Variants in NAV1 observed in about 807,000 individuals in gnomAD.
NAV1 encodes neuron navigator 1, also known as pore membrane and/or filament interacting like protein 3.
A neutral mutation model predicts 175.2 loss-of-function variants in NAV1; 18 were observed. That is an observed-to-expected ratio of 0.10 (90% confidence interval 0.07 to 0.15). The LOEUF is 0.15. Among genes scored for constraint, NAV1 ranks in the 10% least tolerant of loss-of-function variants. The probability of loss-of-function intolerance (pLI) is 1.00; values close to 1 mark genes in which losing one functional copy is unlikely to be tolerated. For missense variants in NAV1, 1,731 were observed against 2,436.6 expected (o/e 0.71, Z 6.10); for synonymous variants, 897 against 978.7 (o/e 0.92, Z 1.56).
intron 2 of NAV1, among the ~76,000 whole-genome samples, chr1:201,601,982 C>T (rs981739768): frequency 6.6e-6 from 1 of 152,148 alleles, no homozygotes; most frequent in Non-Finnish European, 1.5e-5. Flanking sequence ...TATCAGCTGC[C>T]CCCTCTCTGG....
intron 29 of NAV1, among the ~76,000 whole-genome samples, chr1:201,818,932 A>G (rs1483912121): frequency 2.0e-5 from 3 of 152,224 alleles, no homozygotes; most frequent in Non-Finnish European, 2.9e-5. Flanking sequence ...ACGTAGACAG[A>G]AGAGAATTGT....
chr1:201,802,293 G>A (rs61821734), intron 15 of NAV1, among the ~76,000 whole-genome samples: 12,839 of 96,252 alleles, frequency 0.13, 967 homozygotes, highest in East Asian at 0.4. Context: ...CAAGAAGAGT[G>A]AAACACCTTC....
intron 1 of NAV1, among the ~76,000 whole-genome samples, chr1:201,704,592 A>G (rs1040615407): frequency 1.3e-5 from 2 of 152,236 alleles, no homozygotes. Context: ...ACTTGGCATC[A>G]GGAAGTCAAG....
At chr1:201,637,312 G>A (rs1668640018) in intron 2 of NAV1, among the ~76,000 whole-genome samples, 1 of 152,112 alleles carries the variant, frequency 6.6e-6, no homozygotes, top group Non-Finnish European at 1.5e-5. Context: ...TTAGAGTCAG[G>A]AATCTCTTTA....
chr1:201,677,802 T>A (rs2102392463), intron 1 of NAV1, among the ~76,000 whole-genome samples: 1 of 152,224 alleles, frequency 6.6e-6, no homozygotes, highest in South Asian at 2.1e-4. Context: ...TAATTTTTTT[T>A]ATTTTTTGGT....
chr1:201,748,794 G>T (rs758746409), intron 3 of NAV1, among the ~76,000 whole-genome samples: 1 of 152,144 alleles, frequency 6.6e-6, no homozygotes, highest in Non-Finnish European at 1.5e-5. Context: ...TGGTTTTGAC[G>T]TAGTAGTCTG....
intron 2 of NAV1, among the ~76,000 whole-genome samples, chr1:201,592,766 T>C (rs1427088368): frequency 6.6e-6 from 1 of 151,864 alleles, no homozygotes; most frequent in East Asian, 1.9e-4. Flanking sequence ...GGCAAGATGA[T>C]AGCACCTTGC....
At chr1:201,678,912 A>G (rs1670362335) in intron 1 of NAV1, among the ~76,000 whole-genome samples, 1 of 152,156 alleles carries the variant, frequency 6.6e-6, no homozygotes, top group Non-Finnish European at 1.5e-5. Context: ...GGGGTTTGGC[A>G]GCCCCTCCCC....
intron 1 of NAV1, among the ~76,000 whole-genome samples, chr1:201,567,321 C>T (rs1045626722): frequency 3.9e-5 from 6 of 152,134 alleles, no homozygotes; most frequent in African/African-American, 9.7e-5. Context: ...TCCACAGGTA[C>T]GAGGGCATTG....
At chr1:201,591,839 A>C (rs1188766899) in intron 2 of NAV1, among the ~76,000 whole-genome samples, 3 of 152,290 alleles carry the variant, frequency 2.0e-5, no homozygotes, top group African/African-American at 7.2e-5. Flanking sequence ...CATGGACTCA[A>C]ACTGAGGAGG....
chr1:201,563,409 C>A (rs1391423731), intron 1 of NAV1, among the ~76,000 whole-genome samples: 1 of 151,580 alleles, frequency 6.6e-6, no homozygotes, highest in Non-Finnish European at 1.5e-5. Flanking sequence ...GGAACTGGGC[C>A]CAGAGAAAAG....
At chr1:201,759,174 G>C (rs1388724522) in intron 3 of NAV1, among the ~76,000 whole-genome samples, 1 of 152,204 alleles carries the variant, frequency 6.6e-6, no homozygotes, top group Non-Finnish European at 1.5e-5. Context: ...ACATCTGGCA[G>C]CTCCACTAGA....
intron 3 of NAV1, among the ~76,000 whole-genome samples, chr1:201,768,544 A>G (rs555873772): frequency 5.4e-4 from 82 of 151,636 alleles, no homozygotes; most frequent in Non-Finnish European, 1.1e-3. Context: ...GAGCTGAAGC[A>G]GGAGGATCAC....
chr1:201,706,254 G>GGGGT (rs1553256674), intron 1 of NAV1, among the ~76,000 whole-genome samples: 1 of 148,782 alleles, frequency 6.7e-6, no homozygotes, highest in East Asian at 2.0e-4. Context: ...ATTAAGAAGG[G>GGGGT]GTGTGTGTGT....
At chr1:201,769,936 C>T (rs1675464430) in intron 3 of NAV1, among the ~76,000 whole-genome samples, 1 of 152,228 alleles carries the variant, frequency 6.6e-6, no homozygotes, top group Non-Finnish European at 1.5e-5. Context: ...AGAACAGATT[C>T]AGTGTTCAAG....
At chr1:201,578,791 T>C (rs1031428376) in intron 1 of NAV1, among the ~76,000 whole-genome samples, 3 of 152,126 alleles carry the variant, frequency 2.0e-5, no homozygotes, top group African/African-American at 7.2e-5. Flanking sequence ...ATCTAAAAGT[T>C]TGAACAACTA....
chr1:201,666,884 C>T (rs953277717), intron 1 of NAV1, among the ~76,000 whole-genome samples: 1 of 152,090 alleles, frequency 6.6e-6, no homozygotes, highest in African/African-American at 2.4e-5. Context: ...CAGCCACCCT[C>T]CACCATGTTC....
rs759391764 is a variant in NAV1 at position 201,807,270 on chromosome 1, G to C, written c.3649-683G>C. On this transcript the variant is annotated intron_variant, in intron 17 of 29. Transcript: ENST00000367296. This position sits in a 1 kb window ranked among gnomAD's most constrained non-coding sequence, Gnocchi z 5.4. ...GACATTGGAAATCATAGAAAATGCT[G>C]TCTGGCTGTTTTAACCATTCTGTGA... Among the ~76,000 whole-genome samples, 2 of 152,194 alleles carry C rather than the reference G, an allele frequency of 1.3e-5. No homozygotes were observed. Among genetic ancestry groups the C allele is most frequent in the Non-Finnish European group, 2.9e-5 (2 of 68,024 alleles).
chr1:201,607,162 CT>C (rs1350290281), intron 2 of NAV1, among the ~76,000 whole-genome samples: 132 of 147,120 alleles, frequency 9.0e-4, no homozygotes, highest in Non-Finnish European at 5.9e-5. Context: ...GTCACCCAGG[CT>C]GGAGTGCAGT....
Sources: gnomAD v4.1 joint callset for allele counts (sites outside exome capture counted in the v4.1 genomes callset) on GRCh38, gnomAD v4.1.1 for gene constraint, Gnocchi (gnomAD v3.1) non-coding constraint, MANE v1.5 for transcripts, NCBI Gene and HGNC (gene_info 2026-07-23, HGNC 2026-07-21) for gene names.